The following MDGA2 variants were observed in gnomAD, a reference collection of about 807,000 sequenced individuals.
The protein encoded by MDGA2 is MAM domain containing glycosylphosphatidylinositol anchor 2.
A neutral mutation model predicts 117.8 loss-of-function variants in MDGA2; 40 were observed. The observed-to-expected ratio is 0.34, with a 90% CI of 0.26 to 0.44. The LOEUF is 0.44. Among genes scored for constraint, MDGA2 ranks in the 20% least tolerant of loss-of-function variants. MDGA2 has a pLI of 1.00. For synonymous variants in MDGA2, 452 were observed against 439.0 expected, an observed-to-expected ratio of 1.03 and a Z score of -0.37; for missense variants, 1,123 against 1,250.6, an observed-to-expected ratio of 0.90 and a Z score of 1.54.
intron 1 of MDGA2, among the ~76,000 whole-genome samples, chr14:47,650,115 C>T (rs1004568914): frequency 6.6e-6 from 1 of 152,140 alleles, no homozygotes; most frequent in South Asian, 2.1e-4. Context: ...AAGGCAGACC[C>T]TTGCCCAAAT....
chr14:47,526,218 T>G (rs1894970833), intron 1 of MDGA2, among the ~76,000 whole-genome samples: 2 of 152,218 alleles, frequency 1.3e-5, no homozygotes. Flanking sequence ...AAATATGTTT[T>G]TTTCATTTGT....
chr14:47,150,305 AC>A (rs2139226538), intron 3 of MDGA2, among the ~76,000 whole-genome samples: 1 of 152,186 alleles, frequency 6.6e-6, no homozygotes, highest in Admixed American at 6.5e-5. Flanking sequence ...ATTCTGTTAT[AC>A]TTTTAAATAA....
chr14:47,219,727 T>A (rs1384726298), intron 2 of MDGA2, among the ~76,000 whole-genome samples: 5 of 151,762 alleles, frequency 3.3e-5, no homozygotes, highest in African/African-American at 1.2e-4. Context: ...CTGAATACAG[T>A]CATTAGAAAA....
At chr14:47,356,724 G>A (rs996617305) in intron 1 of MDGA2, among the ~76,000 whole-genome samples, 4 of 152,234 alleles carry the variant, frequency 2.6e-5, no homozygotes, top group Non-Finnish European at 5.9e-5. Flanking sequence ...TCAGAAAAAA[G>A]AGAAAAGCAC....
intron 2 of MDGA2, among the ~76,000 whole-genome samples, chr14:47,230,952 A>C (rs1594741663): frequency 6.6e-6 from 1 of 151,974 alleles, no homozygotes; most frequent in Admixed American, 6.6e-5. Context: ...TATTGCAAGG[A>C]TTTATATTTA....
At chr14:47,112,800 C>A (rs1402638891) in intron 5 of MDGA2, among the ~76,000 whole-genome samples, 2 of 152,096 alleles carry the variant, frequency 1.3e-5, no homozygotes, top group African/African-American at 4.8e-5. Flanking sequence ...GGTTCTACGT[C>A]TTTGAGGAAT....
chr14:47,410,153 A>C (rs896046947), intron 1 of MDGA2, among the ~76,000 whole-genome samples: 3 of 146,928 alleles, frequency 2.0e-5, no homozygotes, highest in African/African-American at 7.5e-5. Flanking sequence ...CACTGGTTAG[A>C]AGACATGCCT....
intron 1 of MDGA2, among the ~76,000 whole-genome samples, chr14:47,337,090 AT>A (rs1041646451): frequency 1.3e-5 from 2 of 152,018 alleles, no homozygotes; most frequent in Admixed American, 6.6e-5. Flanking sequence ...TTCAAATCTG[AT>A]TCCACTTACA....
chr14:47,557,356 T>C (rs956387155), intron 1 of MDGA2, among the ~76,000 whole-genome samples: 4 of 152,146 alleles, frequency 2.6e-5, no homozygotes, highest in African/African-American at 7.2e-5. Context: ...ATGTCAGAAA[T>C]TGGTGTGTCA....
intron 10 of MDGA2, among the ~76,000 whole-genome samples, chr14:46,890,137 A>G (rs1352412475): frequency 1.3e-5 from 2 of 151,982 alleles, no homozygotes; most frequent in Non-Finnish European, 2.9e-5. Flanking sequence ...CCTCCTGCTC[A>G]CTTCCACCAC....
intron 2 of MDGA2, among the ~76,000 whole-genome samples, chr14:47,286,473 A>G (rs555496638): frequency 2.0e-5 from 3 of 152,158 alleles, no homozygotes; most frequent in East Asian, 1.9e-4. Flanking sequence ...TAGTGAGAAC[A>G]TGTAACATCT....
At chr14:47,292,070 C>A (rs1888910200) in intron 2 of MDGA2, among the ~76,000 whole-genome samples, 1 of 152,220 alleles carries the variant, frequency 6.6e-6, no homozygotes, top group Admixed American at 6.5e-5. Flanking sequence ...GATACCACAT[C>A]TGATCCAGCA....
At chr14:47,343,958 C>G (rs554948548) in intron 1 of MDGA2, among the ~76,000 whole-genome samples, 3 of 152,150 alleles carry the variant, frequency 2.0e-5, no homozygotes, top group Non-Finnish European at 2.9e-5. Context: ...ACTGATTTAT[C>G]CTGACTCTTG....
At chr14:47,341,697 C>G (rs1890627382) in intron 1 of MDGA2, among the ~76,000 whole-genome samples, 1 of 152,074 alleles carries the variant, frequency 6.6e-6, no homozygotes, top group Admixed American at 6.6e-5. Context: ...TTTCCTTTCC[C>G]TAGAAGTAAT....
chr14:47,294,317 G>A (rs970572968), intron 2 of MDGA2, among the ~76,000 whole-genome samples: 7 of 151,666 alleles, frequency 4.6e-5, no homozygotes, highest in East Asian at 1.9e-4. Flanking sequence ...GGCTGGTCTC[G>A]AACTCCTGAG....
intron 1 of MDGA2, among the ~76,000 whole-genome samples, chr14:47,382,953 C>A (rs1235754295): frequency 6.6e-6 from 1 of 152,132 alleles, no homozygotes; most frequent in Non-Finnish European, 1.5e-5. Context: ...TGCAACCAAC[C>A]CAAATGTCCA....
chr14:47,469,463 G>A (rs1181920876), intron 1 of MDGA2, among the ~76,000 whole-genome samples: 6 of 152,234 alleles, frequency 3.9e-5, no homozygotes, highest in Non-Finnish European at 7.4e-5. Context: ...CTTCATCCAT[G>A]TCCGTACAAA....
intron 2 of MDGA2, among the ~76,000 whole-genome samples, chr14:47,238,240 C>A (rs1456781517): frequency 1.3e-5 from 2 of 152,196 alleles, no homozygotes; most frequent in East Asian, 1.9e-4. Flanking sequence ...AGCACACTTA[C>A]CAATATCAGA....
At chr14:47,091,268 T>A (rs941677223) in intron 6 of MDGA2, among the ~76,000 whole-genome samples, 7 of 152,162 alleles carry the variant, frequency 4.6e-5, no homozygotes, top group Admixed American at 1.3e-4. Flanking sequence ...TTATTGAGCA[T>A]CTACTATATG....
Sources: gnomAD v4.1 joint callset for allele counts (sites outside exome capture counted in the v4.1 genomes callset) on GRCh38, gnomAD v4.1.1 for gene constraint, MANE v1.5 for transcripts, NCBI Gene and HGNC (gene_info 2026-07-23, HGNC 2026-07-21) for gene names.